The following SPATA3 variants were observed in gnomAD, a reference collection of about 807,000 sequenced individuals.
The protein encoded by SPATA3 is spermatogenesis-associated protein 3.
A neutral mutation model predicts 5.7 loss-of-function variants in SPATA3; 6 were observed. The observed-to-expected ratio is 1.06, with a 90% CI of 0.58 to 2.09. SPATA3 has a LOEUF of 2.09. Ranked by LOEUF, SPATA3 falls within the 30% of genes most tolerant of loss-of-function variation. The probability of loss-of-function intolerance (pLI) is 0.00; values close to 1 mark genes in which losing one functional copy is unlikely to be tolerated. For missense variants in SPATA3, 155 were observed against 130.4 expected (o/e 1.19, Z -0.92); for synonymous variants, 44 against 48.4 (o/e 0.91, Z 0.37).
At chr2:231,009,377 C>T (rs1265168829), downstream of SPATA3, among the ~76,000 whole-genome samples, 2 of 152,196 alleles carry the variant, frequency 1.3e-5, no homozygotes, top group East Asian at 1.9e-4. Context: ...CAGTTGGATC[C>T]CCCGGGCAGT....
chr2:231,012,534 G>A (rs1692815033), intron 4 of SPATA3: 1 of 152,238 alleles, frequency 6.6e-6, no homozygotes, highest in Non-Finnish European at 1.5e-5. Flanking sequence ...GCTGCAGGAT[G>A]ACATTAGAGT....
intron 6 of SPATA3, among the ~76,000 whole-genome samples, chr2:231,014,896 T>A (rs1013191398): frequency 1.3e-5 from 2 of 152,136 alleles, no homozygotes; most frequent in Non-Finnish European, 2.9e-5. Flanking sequence ...GGTGTTAAGG[T>A]GCCCTTCCTT....
chr2:231,001,533 C>CTTTG (rs1559195318), intron 2 of SPATA3, among the ~76,000 whole-genome samples: 11 of 152,252 alleles, frequency 7.2e-5, no homozygotes, highest in African/African-American at 2.6e-4. Flanking sequence ...GGGGAGAACA[C>CTTTG]GCTTGGAGCC....
At chr2:231,007,566 G>A (rs936524738), downstream of SPATA3, among the ~76,000 whole-genome samples, 4 of 152,226 alleles carry the variant, frequency 2.6e-5, no homozygotes, top group Non-Finnish European at 5.9e-5. Flanking sequence ...TCTGTCCCAG[G>A]GTAATCCCAG....
At chr2:231,000,737 A>G (rs1015818524) in intron 2 of SPATA3, among the ~76,000 whole-genome samples, 200 bp downstream of exon 2, 2 of 151,790 alleles carry the variant, frequency 1.3e-5, no homozygotes, top group African/African-American at 4.8e-5. Context: ...CCCCCGGGGT[A>G]CCCACCCCGC....
intron 1 of SPATA3, chr2:230,996,246 A>C (rs1341263587): frequency 6.4e-7 from 1 of 1,550,766 alleles, no homozygotes; most frequent in Non-Finnish European, 8.7e-7. Flanking sequence ...GAAGAAGGTC[A>C]AGAAGAAAAG....
chr2:231,003,753 C>A (rs1692440870), downstream of SPATA3, among the ~76,000 whole-genome samples: 2 of 152,160 alleles, frequency 1.3e-5, no homozygotes, highest in South Asian at 2.1e-4. Flanking sequence ...GTGGATGCAC[C>A]AGCCCAAAAA....
intron 2 of SPATA3, among the ~76,000 whole-genome samples, chr2:231,001,730 G>C (rs891174605): frequency 3.4e-4 from 52 of 152,312 alleles, no homozygotes; most frequent in African/African-American, 1.2e-3. Context: ...GGGGCACTGT[G>C]AGGGAAACCA....
At position 231,000,472 on chromosome 2, in the gene SPATA3, C is replaced by T. The variant is rs529009967; in HGVS notation, c.897C>T (p.Val299=). Residue 299 remains valine, a synonymous_variant, in exon 2 of 3, where the codon GTC becomes GTT. Coordinates refer to ENST00000645363, the Ensembl canonical transcript of SPATA3. ...TATGCCATAGCCGCATCTTCGATGT[C>T]CTTCTGCCTCGGGACTGGCAGATGG... 10 of 1,550,166 alleles carry T rather than the reference C, an allele frequency of 6.5e-6. No individual in the cohort carries two copies. In the African/African-American group the frequency reaches 9.6e-5, roughly 15 times the overall value.
At chr2:231,018,799 C>A (rs1692995807) in intron 6 of SPATA3, among the ~76,000 whole-genome samples, 1 of 151,886 alleles carries the variant, frequency 6.6e-6, no homozygotes, top group African/African-American at 2.4e-5. Flanking sequence ...ATTCTCCTGC[C>A]TCAGCCTCCC....
chr2:231,018,029 G>A (rs754729277), intron 6 of SPATA3, among the ~76,000 whole-genome samples: 6 of 151,702 alleles, frequency 4.0e-5, no homozygotes, highest in South Asian at 2.1e-4. Context: ...GGTTTAAGCC[G>A]TTCTCCTACC....
At chr2:231,019,913 C>T (rs1031446675) in intron 7 of SPATA3, 18 of 150,726 alleles carry the variant, frequency 1.2e-4, no homozygotes, top group African/African-American at 3.9e-4. Context: ...CCTCCCCACT[C>T]GACTCCCCAC....
At chr2:231,008,317 C>T (rs760505568), downstream of SPATA3, among the ~76,000 whole-genome samples, 1 of 152,210 alleles carries the variant, frequency 6.6e-6, no homozygotes, top group Non-Finnish European at 1.5e-5. Flanking sequence ...TAGGAGTCAG[C>T]CCGCATGCAC....
At chr2:231,010,504 C>G (rs1692752929), downstream of SPATA3, among the ~76,000 whole-genome samples, 1 of 152,196 alleles carries the variant, frequency 6.6e-6, no homozygotes, top group African/African-American at 2.4e-5. Flanking sequence ...AGTTCTTACA[C>G]AAGGCTGGGG....
At chr2:231,003,688 G>GTA (rs1281155014), downstream of SPATA3, among the ~76,000 whole-genome samples, 1 of 152,206 alleles carries the variant, frequency 6.6e-6, no homozygotes, top group East Asian at 1.9e-4. Flanking sequence ...CTTCCCTAGA[G>GTA]GAGGGGCAGC....
At chr2:231,012,178 G>C (rs1370089381), downstream of SPATA3, among the ~76,000 whole-genome samples, 1 of 152,216 alleles carries the variant, frequency 6.6e-6, no homozygotes, top group Non-Finnish European at 1.5e-5. Context: ...CGGCAGGGCT[G>C]AGCGAGAGAT....
At chr2:231,015,592 G>A (rs903419876) in intron 6 of SPATA3, among the ~76,000 whole-genome samples, 2 of 152,192 alleles carry the variant, frequency 1.3e-5, no homozygotes, top group Non-Finnish European at 2.9e-5. Flanking sequence ...TTGGAATCAG[G>A]CCGCATGCTT....
intron 6 of SPATA3, among the ~76,000 whole-genome samples, chr2:231,016,259 C>T (rs757653044): frequency 2.6e-4 from 40 of 152,132 alleles, no homozygotes; most frequent in Non-Finnish European, 5.4e-4. Flanking sequence ...CTGTTCCCTT[C>T]CCCCATAGAA....
intron 6 of SPATA3, among the ~76,000 whole-genome samples, chr2:231,016,362 A>G (rs13425905): frequency 0.3 from 44,985 of 151,820 alleles, 7,375 homozygotes; most frequent in Non-Finnish European, 0.37. Context: ...CACCACCCAC[A>G]CTTCCCCGAA....
Sources: allele counts gnomAD v4.1 joint callset (sites outside exome capture counted in the v4.1 genomes callset), GRCh38; gene constraint gnomAD v4.1.1; transcripts MANE v1.5; gene names NCBI Gene and HGNC (gene_info 2026-07-23, HGNC 2026-07-21).